LSM6: variants seen among roughly 807,000 people sequenced by gnomAD.
LSM6 encodes LSM6 homolog, U6 small nuclear RNA and mRNA degradation associated, also known as U6 snRNA-associated Sm-like protein LSm6.
A neutral mutation model predicts 13.5 loss-of-function variants in LSM6; 2 were observed. The ratio of observed to expected loss-of-function variants is 0.15; its 90% CI spans 0.06 to 0.47. The LOEUF is 0.47. LSM6 is among the 20% of genes least tolerant of loss of function. The pLI, the probability that LSM6 is intolerant of heterozygous loss-of-function variation, is 0.97. For missense variants in LSM6, 58 were observed against 96.4 expected (o/e 0.60, Z 1.67); for synonymous variants, 43 against 34.9 (o/e 1.23, Z -0.82).
rs1458108918 is a variant in LSM6, at chr4:146,190,141, G to A, written c.*485G>A. ...GTTTCAGTCTGAAGCTACAAAAAGG[G>A]GCCACAGGATCAGAAGTTCAGCCAC... On this transcript the variant is annotated 3_prime_UTR_variant, in exon 4 of 4. Transcript: ENST00000296581. The A allele has an allele frequency of 6.5e-6, 1 of 152,756 alleles. No homozygotes were observed. The highest frequency in any genetic ancestry group is 1.9e-4 in the East Asian group (1 of 5,246). The allele number at this position is 152,756 out of a possible 1,614,324, so 9.5% of individuals were successfully genotyped here.
Position 146,189,649 on chromosome 4 carries a change from G to A in LSM6, c.236G>A (p.Arg79Gln), listed in dbSNP as rs1730425952. The change falls in exon 4 of 4, where the codon CGG (arginine) becomes CAG (glutamine). Residue 79 changes from arginine to glutamine, a missense_variant. By Grantham distance (43) the Arg-to-Gln change is conservative. Transcript: ENST00000296581. ...NVLYISTQKR[R>Q]M ...TTGTACATCAGTACACAGAAGAGAC[G>A]GATGTGAAGACACCAAGAGAGCAAC... 7 of 1,600,732 alleles carry A rather than the reference G, an allele frequency of 4.4e-6. No individual in the cohort carries two copies. The highest frequency in any genetic ancestry group is 6.0e-6 in the Non-Finnish European group (7 of 1,173,330).
At chr4:146,182,766 T>C (rs753203974) in intron 1 of LSM6, 146 bp from the exon 2 acceptor site, 2 of 566,838 alleles carry the variant, frequency 3.5e-6, no homozygotes, top group East Asian at 6.3e-5. Flanking sequence ...TTAGCTGTCA[T>C]GTAGTAGCAG....
intron 3 of LSM6, among the ~76,000 whole-genome samples, chr4:146,188,399 CTTGGGGGGCAGGG>C (rs1344150525): frequency 3.3e-5 from 5 of 151,548 alleles, no homozygotes; most frequent in African/African-American, 1.2e-4. Flanking sequence ...ACCCCTAGGA[CTTGGGGGGCAGGG>C]TTGGGGGGCG....
In LSM6 at chr4:146,188,548, A is replaced by G. The variant is rs190918687; in HGVS notation, c.209-1074A>G. On this transcript the variant is annotated intron_variant, in intron 3 of 3. Coordinates refer to ENST00000296581, the MANE Select transcript of LSM6 (RefSeq NM_007080.3). ...AAGAGGATCTTGACTTATTTGATTC[A>G]TCTGTGCTATGTTCTTTGATGAAGA... Among the ~76,000 whole-genome samples, 339 of 152,228 alleles carry G rather than the reference A, an allele frequency of 2.2e-3. 2 individuals carry two copies. Among genetic ancestry groups the G allele is most frequent in the Non-Finnish European group, 3.7e-3 (253 of 68,016 alleles).
rs1028392340 is a variant in LSM6 at position 146,175,765 on chromosome 4, G to C, written c.-57G>C. 6.6e-6 allele frequency: 1 copy of C among 152,364 alleles called. No homozygotes were observed. The highest frequency in any genetic ancestry group is 2.1e-4 in the South Asian group (1 of 4,836). The allele number at this position is 152,364 out of a possible 1,614,324, so 9.4% of individuals were successfully genotyped here. ...TTGGCTGGGATCATCCGCGGCGGCCGGGCTCGTGGGGCGCCTGGAGTGAGG... is the reference window on the plus strand; with the variant it reads ...TTGGCTGGGATCATCCGCGGCGGCCCGGCTCGTGGGGCGCCTGGAGTGAGG... On this transcript the variant is annotated 5_prime_UTR_variant, in exon 1 of 4. Coordinates refer to ENST00000296581, the MANE Select transcript of LSM6 (RefSeq NM_007080.3).
At chr4:146,187,555 T>C in intron 3 of LSM6, 168 bp downstream of exon 3, 1 of 530,460 alleles carries the variant, frequency 1.9e-6, no homozygotes, top group Non-Finnish European at 3.4e-6. Flanking sequence ...TGTAGATGCT[T>C]CATGGAATTT....
Position 146,185,864 on chromosome 4 carries a change from G to A in LSM6, c.95-1410G>A, listed in dbSNP as rs533365087. 7.9e-5 allele frequency among the ~76,000 whole-genome samples: 12 copies of A among 152,044 alleles called. 1 individual carries two copies. In the South Asian group the frequency reaches 2.3e-3, roughly 29 times the overall value. ...CGATTCTCCTGCCTCAGCCTCCCAA[G>A]TAGCTGGGATTACAGGCACCTGCCA... On this transcript the variant is annotated intron_variant, in intron 2 of 3. Coordinates refer to ENST00000296581, the MANE Select transcript of LSM6 (RefSeq NM_007080.3).
chr4:146,175,794 C>T lies in LSM6; in HGVS notation c.-28C>T, dbSNP rs1730088599. ...TCGTGGGGCGCCTGGAGTGAGGGTT[C>T]TGGTTCCCGCCGGCGAGGTGAGCCG... is the stretch of plus-strand genomic sequence containing the variant. On this transcript the variant is annotated 5_prime_UTR_variant, in exon 1 of 4. Coordinates refer to ENST00000296581, the MANE Select transcript of LSM6 (RefSeq NM_007080.3). 1.3e-5 allele frequency: 2 copies of T among 152,496 alleles called. No homozygotes were observed. The highest frequency in any genetic ancestry group is 2.1e-4 in the South Asian group (1 of 4,834). The allele number at this position is 152,496 out of a possible 1,614,324, so 9.4% of individuals were successfully genotyped here. A position where few individuals can be genotyped will look rare whatever the true frequency, so the allele number is the denominator to read the frequency against.
At chr4:146,188,314 ACAGCTAATGG>A (rs896342713) in intron 3 of LSM6, among the ~76,000 whole-genome samples, 5 of 152,098 alleles carry the variant, frequency 3.3e-5, no homozygotes, top group African/African-American at 1.2e-4. Flanking sequence ...TCACCTCAAG[ACAGCTAATGG>A]CAGCAGTCAC....
Position 146,175,789 on chromosome 4 carries a change from G to A in LSM6, c.-33G>A, listed in dbSNP as rs879745727. On this transcript the variant is annotated 5_prime_UTR_variant, in exon 1 of 4. Coordinates refer to ENST00000296581, the MANE Select transcript of LSM6 (RefSeq NM_007080.3). ...CGGGCTCGTGGGGCGCCTGGAGTGA[G>A]GGTTCTGGTTCCCGCCGGCGAGGTG... is the stretch of plus-strand genomic sequence containing the variant. The A allele has an allele frequency of 5.2e-5, 8 of 152,416 alleles. No individual in the cohort carries two copies. Among genetic ancestry groups the A allele is most frequent in the Non-Finnish European group, 1.0e-4 (7 of 68,202 alleles). 9.4% of individuals were successfully genotyped at this position (152,416 alleles called of 1,614,324 possible).
At chr4:146,182,443 A>G (rs1475787805) in intron 1 of LSM6, among the ~76,000 whole-genome samples, 1 of 152,230 alleles carries the variant, frequency 6.6e-6, no homozygotes, top group South Asian at 2.1e-4. Context: ...TTTACTTTTC[A>G]TCAGCAAAAT....
At chr4:146,179,164 A>G (rs945649303) in intron 1 of LSM6, among the ~76,000 whole-genome samples, 1 of 152,206 alleles carries the variant, frequency 6.6e-6, no homozygotes, top group Non-Finnish European at 1.5e-5. Context: ...AGTAGGAGTC[A>G]GGGGAGGGAG....
intron 3 of LSM6, among the ~76,000 whole-genome samples, chr4:146,187,810 A>G (rs988061389): frequency 1.3e-5 from 2 of 152,228 alleles, no homozygotes; most frequent in Admixed American, 6.5e-5. Context: ...GATGCTTTCT[A>G]TGCAGATTTG....
intron 2 of LSM6, among the ~76,000 whole-genome samples, chr4:146,186,501 G>T (rs774774720): frequency 6.6e-6 from 1 of 152,020 alleles, no homozygotes. Context: ...TTTTGAAAAA[G>T]ATCATCAGGT....
intron 2 of LSM6, among the ~76,000 whole-genome samples, chr4:146,185,449 C>T (rs1016642574): frequency 1.3e-5 from 2 of 149,122 alleles, no homozygotes; most frequent in Non-Finnish European, 3.0e-5. Flanking sequence ...ACTAAAGGAA[C>T]GTGCTTATTT....
At position 146,189,486 on chromosome 4, in the gene LSM6, T is replaced by C. The variant is rs73855511; in HGVS notation, c.209-136T>C. 3.7e-4 allele frequency: 244 copies of C among 652,772 alleles called. No homozygotes were observed. The African/African-American group carries it at 4.1e-3, about 11-fold the overall frequency. The allele number at this position is 652,772 out of a possible 1,614,324, so 40.4% of individuals were successfully genotyped here. On this transcript the variant is annotated intron_variant, in intron 3 of 3. Transcript: ENST00000296581. ...AACTAGTCTTACAGTACTTCTAGAG[T>C]TAATTGAATGATACGAGAATTCCTT...
rs114218824 is a variant in LSM6 at position 146,187,562 on chromosome 4, A to G, written c.208+175A>G. 3.2e-3 allele frequency: 1,661 copies of G among 518,674 alleles called. 24 individuals are homozygous for G. The highest frequency in any genetic ancestry group is 0.029 in the African/African-American group (1,525 of 52,330). 32.1% of individuals were successfully genotyped at this position (518,674 alleles called of 1,614,324 possible). A position where few individuals can be genotyped will look rare whatever the true frequency, so the allele number is the denominator to read the frequency against. On this transcript the variant is annotated intron_variant, in intron 3 of 3. Coordinates refer to ENST00000296581, the MANE Select transcript of LSM6 (RefSeq NM_007080.3). ...AGTTATTTTGTAGATGCTTCATGGA[A>G]TTTTGAAACCAAAATTCTCTCCTTC...
chr4:146,182,965 T>C lies in LSM6; in HGVS notation c.44T>C (p.Ile15Thr). 6.2e-7 allele frequency: 1 copy of C among 1,613,652 alleles called. No homozygotes were observed. The change falls in exon 2 of 4, where the codon ATC (isoleucine) becomes ACC (threonine). Residue 15 changes from isoleucine (I) to threonine (T), a missense_variant. Transcript: ENST00000296581. ...ACCCCTAGTGACTTCTTAAAGCAAA[T>C]CATCGGACGACCAGTTGTGGTAAAA... Reference protein sequence around the residue: ...KQTPSDFLKQIIGRPVVVKLN... With the variant: ...KQTPSDFLKQTIGRPVVVKLN...
intron 2 of LSM6, among the ~76,000 whole-genome samples, chr4:146,183,906 T>C (rs1326321388): frequency 6.9e-6 from 1 of 145,964 alleles, no homozygotes; most frequent in Non-Finnish European, 1.5e-5. Context: ...GGAGTCTCGC[T>C]CTGTCACCCA....
Sources: gnomAD v4.1 joint callset for allele counts (sites outside exome capture counted in the v4.1 genomes callset) on GRCh38, gnomAD v4.1.1 for gene constraint, MANE v1.5 for transcripts, NCBI Gene and HGNC (gene_info 2026-07-23, HGNC 2026-07-21) for gene names.